Variants in RBFOX1 observed in about 807,000 individuals in gnomAD.
The protein encoded by RBFOX1 is RNA binding fox-1 homolog 1.
RBFOX1 carries 8 observed loss-of-function variants against 57.7 expected under a neutral mutation model. That is an observed-to-expected ratio of 0.14 (90% confidence interval 0.08 to 0.25). RBFOX1 has a LOEUF of 0.25. RBFOX1 is among the 10% of genes least tolerant of loss of function. The probability of loss-of-function intolerance (pLI) is 1.00; values close to 1 mark genes in which losing one functional copy is unlikely to be tolerated. For synonymous variants in RBFOX1, 326 were observed against 222.4 expected, an observed-to-expected ratio of 1.47 and a Z score of -4.15; for missense variants, 611 against 548.5, an observed-to-expected ratio of 1.11 and a Z score of -1.14.
At chr16:6,147,523 G>A (rs1011326918) in intron 1 of RBFOX1, among the ~76,000 whole-genome samples, 8 of 152,130 alleles carry the variant, frequency 5.3e-5, no homozygotes, top group Non-Finnish European at 4.4e-5. Flanking sequence ...ATGTACCCAT[G>A]TTGAATTTAA....
At chr16:6,546,631 T>C (rs1051886628) in intron 2 of RBFOX1, among the ~76,000 whole-genome samples, 4 of 152,224 alleles carry the variant, frequency 2.6e-5, no homozygotes, top group African/African-American at 7.2e-5. Context: ...CTCCTTCTTA[T>C]AAGGACACAT....
At chr16:6,876,396 G>A (rs12920700) in intron 3 of RBFOX1, among the ~76,000 whole-genome samples, 118,916 of 151,968 alleles carry the variant, frequency 0.78, 47,552 homozygotes, top group African/African-American at 0.94. Flanking sequence ...ATGAGCCTAT[G>A]TTCTATGAAG....
chr16:7,468,155 C>A (rs1344184668), intron 4 of RBFOX1, among the ~76,000 whole-genome samples: 1 of 152,186 alleles, frequency 6.6e-6, no homozygotes, highest in Non-Finnish European at 1.5e-5. Context: ...GGCATTAAAT[C>A]TCCACAGTAA....
At chr16:6,146,896 T>C (rs573819328) in intron 1 of RBFOX1, among the ~76,000 whole-genome samples, 2 of 152,232 alleles carry the variant, frequency 1.3e-5, no homozygotes, top group South Asian at 4.1e-4. Flanking sequence ...CATCAAGAAA[T>C]GGTAGACGAT....
chr16:5,327,461 G>A (rs2064611801), intron 1 of RBFOX1, among the ~76,000 whole-genome samples: 1 of 152,210 alleles, frequency 6.6e-6, no homozygotes, highest in Admixed American at 6.5e-5. Context: ...CTAAAACTGG[G>A]TCCAATTAAA....
chr16:6,621,450 C>G (rs1452562967), intron 2 of RBFOX1, among the ~76,000 whole-genome samples: 1 of 151,496 alleles, frequency 6.6e-6, no homozygotes, highest in Non-Finnish European at 1.5e-5. Context: ...GGTGACAGAG[C>G]CAGACTCTGT....
chr16:6,648,084 C>G (rs1365913297), intron 2 of RBFOX1, among the ~76,000 whole-genome samples: 5 of 152,136 alleles, frequency 3.3e-5, no homozygotes, highest in Admixed American at 3.3e-4. Flanking sequence ...CTCAAGTGAT[C>G]CACCTGCCTT....
intron 1 of RBFOX1, among the ~76,000 whole-genome samples, chr16:5,452,532 A>G (rs2068458675): frequency 6.6e-6 from 1 of 152,092 alleles, no homozygotes; most frequent in African/African-American, 2.4e-5. Flanking sequence ...CAGGACTGTT[A>G]GCACCCATTT....
intron 4 of RBFOX1, among the ~76,000 whole-genome samples, chr16:7,135,898 C>G (rs1195703274): frequency 2.0e-5 from 3 of 152,236 alleles, no homozygotes; most frequent in African/African-American, 7.2e-5. Flanking sequence ...TATTTTGCAT[C>G]TGGCACACAG....
At chr16:5,662,875 G>A (rs1195112711) in intron 3 of RBFOX1, among the ~76,000 whole-genome samples, 1 of 152,166 alleles carries the variant, frequency 6.6e-6, no homozygotes, top group African/African-American at 2.4e-5. Flanking sequence ...CTATGCCACT[G>A]TTAGGTTAAA....
intron 3 of RBFOX1, among the ~76,000 whole-genome samples, chr16:6,771,515 G>T (rs1176347788): frequency 6.6e-6 from 1 of 152,134 alleles, no homozygotes; most frequent in Non-Finnish European, 1.5e-5. Flanking sequence ...GCAAACCCTA[G>T]CAAGCTGAAG....
chr16:6,025,452 C>G (rs1444679981), intron 1 of RBFOX1, among the ~76,000 whole-genome samples: 1 of 152,202 alleles, frequency 6.6e-6, no homozygotes, highest in Non-Finnish European at 1.5e-5. Context: ...CATTAGCCTA[C>G]TTAGATTTTC....
intron 3 of RBFOX1, among the ~76,000 whole-genome samples, chr16:5,727,786 C>T (rs1487459966): frequency 6.6e-6 from 1 of 152,184 alleles, no homozygotes. Context: ...CTTCTGGATT[C>T]ACGTGATCCT....
intron 3 of RBFOX1, among the ~76,000 whole-genome samples, chr16:5,679,504 G>T (rs1273072594): frequency 1.3e-5 from 2 of 151,462 alleles, no homozygotes; most frequent in African/African-American, 2.4e-5. Context: ...CCCTCCCCTT[G>T]TCCCCCACCC....
chr16:6,054,244 T>G (rs1404430850), intron 1 of RBFOX1, among the ~76,000 whole-genome samples: 3 of 152,076 alleles, frequency 2.0e-5, no homozygotes, highest in East Asian at 3.9e-4. Context: ...TATAATATGT[T>G]TTTTTGGGGA....
chr16:6,956,673 A>T (rs571415725), intron 3 of RBFOX1, among the ~76,000 whole-genome samples: 1 of 152,178 alleles, frequency 6.6e-6, no homozygotes, highest in Non-Finnish European at 1.5e-5. Flanking sequence ...CCAGTTATCT[A>T]TTGCATCATA....
At chr16:5,949,413 C>G (rs754023153) in intron 4 of RBFOX1, among the ~76,000 whole-genome samples, 1 of 151,112 alleles carries the variant, frequency 6.6e-6, no homozygotes, top group African/African-American at 2.4e-5. Context: ...GTAGTCCCAG[C>G]TACTCGGGAG....
chr16:7,225,826 C>T (rs968903038), intron 4 of RBFOX1, among the ~76,000 whole-genome samples: 20 of 148,486 alleles, frequency 1.3e-4, no homozygotes, highest in African/African-American at 3.8e-4. Flanking sequence ...ATGGGTGCAG[C>T]ACACCAACAT....
intron 2 of RBFOX1, among the ~76,000 whole-genome samples, chr16:6,406,150 T>A (rs1474368279): frequency 6.6e-6 from 1 of 152,242 alleles, no homozygotes; most frequent in Non-Finnish European, 1.5e-5. Flanking sequence ...TTTTACAAGA[T>A]GGCAACACTC....
Sources: allele counts gnomAD v4.1 joint callset (sites outside exome capture counted in the v4.1 genomes callset), GRCh38; gene constraint gnomAD v4.1.1; transcripts MANE v1.5; gene names NCBI Gene and HGNC (gene_info 2026-07-23, HGNC 2026-07-21).